Variants in ANXA10 observed in about 807,000 individuals in gnomAD.
The protein encoded by ANXA10 is annexin A10, also known as annexin 14.
ANXA10 carries 49 observed loss-of-function variants against 53.5 expected under a neutral mutation model. The ratio of observed to expected loss-of-function variants is 0.92; its 90% CI spans 0.73 to 1.16. The LOEUF is 1.16. ANXA10 is among the 50% of genes most tolerant of loss of function. The pLI is 0.00. For missense variants in ANXA10, 393 were observed against 394.4 expected (o/e 1.00, Z 0.03); for synonymous variants, 131 against 128.9 (o/e 1.02, Z -0.11).
chr4:168,176,941 AG>A (rs1202550972), intron 6 of ANXA10, among the ~76,000 whole-genome samples: 1 of 152,150 alleles, frequency 6.6e-6, no homozygotes, highest in Non-Finnish European at 1.5e-5. Context: ...TCAAGGTTAC[AG>A]TGAACTATGA....
chr4:168,142,312 T>C (rs987966759), intron 3 of ANXA10, among the ~76,000 whole-genome samples: 3 of 152,134 alleles, frequency 2.0e-5, no homozygotes, highest in Non-Finnish European at 2.9e-5. Flanking sequence ...TCCGTCTTCA[T>C]CCCTCTCCCC....
chr4:168,161,991 T>C (rs1253103961), intron 3 of ANXA10, among the ~76,000 whole-genome samples: 2 of 152,208 alleles, frequency 1.3e-5, no homozygotes, highest in African/African-American at 4.8e-5. Flanking sequence ...TATTTCTCTT[T>C]AAGTGTTTGA....
chr4:168,117,888 G>A (rs1347489089), intron 1 of ANXA10, among the ~76,000 whole-genome samples: 2 of 151,328 alleles, frequency 1.3e-5, no homozygotes, highest in Non-Finnish European at 2.9e-5. Flanking sequence ...CCACCACAGG[G>A]TGCACTCATA....
chr4:168,123,608 A>G (rs1321577273), intron 1 of ANXA10, among the ~76,000 whole-genome samples: 2 of 152,196 alleles, frequency 1.3e-5, no homozygotes, highest in Non-Finnish European at 2.9e-5. Context: ...CAAGATTCTC[A>G]TTACAATTGA....
rs1210585036 is a variant in ANXA10, at chr4:168,139,469, A to G, written c.101-17A>G. ...AAGTAGCAACTTTACTAATCTTCAA[A>G]TATTATTCTTTTCCAGACTGTGACA... is the stretch of plus-strand genomic sequence containing the variant. On this transcript the variant is annotated splice_polypyrimidine_tract_variant and intron_variant, in intron 2 of 11. Transcript: ENST00000359299. 1.9e-6 allele frequency: 3 copies of G among 1,606,548 alleles called. No homozygotes were observed. The highest frequency in any genetic ancestry group is 3.3e-5 in the Admixed American group (2 of 59,830).
intron 2 of ANXA10, among the ~76,000 whole-genome samples, chr4:168,133,100 G>A (rs1425279647): frequency 6.6e-6 from 1 of 152,006 alleles, no homozygotes; most frequent in Non-Finnish European, 1.5e-5. Context: ...TCTATGTAGT[G>A]ACACAATTTT....
chr4:168,096,058 G>C (rs1176014735), intron 1 of ANXA10, among the ~76,000 whole-genome samples: 6 of 152,128 alleles, frequency 3.9e-5, no homozygotes, highest in African/African-American at 1.4e-4. Flanking sequence ...GTTTTTAGCA[G>C]TGGATTACAT....
intron 3 of ANXA10, among the ~76,000 whole-genome samples, chr4:168,154,530 A>C (rs1348710534): frequency 6.6e-6 from 1 of 152,204 alleles, no homozygotes; most frequent in African/African-American, 2.4e-5. Context: ...TAGGGATAGA[A>C]GAAGGCCCAT....
rs983086683 is a variant in ANXA10 at position 168,126,796 on chromosome 4, A to G, written c.19-1288A>G. On this transcript the variant is annotated intron_variant, in intron 1 of 11. Transcript: ENST00000359299. ...TTTAGTTGTACTTCTAAGAATAAAAATATAGACATATCACAATCATCATGT... is the reference window on the plus strand; with the variant it reads ...TTTAGTTGTACTTCTAAGAATAAAAGTATAGACATATCACAATCATCATGT... 7.2e-5 allele frequency among the ~76,000 whole-genome samples: 11 copies of G among 152,326 alleles called. No homozygotes were observed. In the South Asian group the frequency reaches 1.0e-3, roughly 14 times the overall value.
chr4:168,111,673 A>C (rs1730808685), intron 1 of ANXA10, among the ~76,000 whole-genome samples: 2 of 152,162 alleles, frequency 1.3e-5, no homozygotes, highest in African/African-American at 2.4e-5. Context: ...AAATAAGATA[A>C]AGAATATGGA....
chr4:168,139,615 A>T (rs1036917866), intron 3 of ANXA10, 35 bp downstream of exon 3: 11 of 1,547,598 alleles, frequency 7.1e-6, no homozygotes, highest in African/African-American at 1.4e-5. Context: ...TTTCTAGGGC[A>T]ATCTCTTGAG....
At chr4:168,128,032 G>C (rs1731100330) in intron 1 of ANXA10, 52 bp from the exon 2 acceptor site, 1 of 1,515,252 alleles carries the variant, frequency 6.6e-7, no homozygotes, top group Non-Finnish European at 9.2e-7. Context: ...CCACAATGTT[G>C]AAACATTAAC....
chr4:168,144,623 T>A lies in ANXA10; in HGVS notation c.195+5043T>A, dbSNP rs567832113. Among the ~76,000 whole-genome samples the A allele has an allele frequency of 2.6e-5, 4 of 152,360 alleles. No individual in the cohort carries two copies. In the South Asian group the frequency reaches 8.3e-4, roughly 32 times the overall value. ...GGTGCAAGAGGGACAAAGCCATTTGTATACAATTTCCGGAAAGCTATTATG... is the reference window on the plus strand; with the variant it reads ...GGTGCAAGAGGGACAAAGCCATTTGAATACAATTTCCGGAAAGCTATTATG... On this transcript the variant is annotated intron_variant, in intron 3 of 11. Coordinates refer to ENST00000359299, the MANE Select transcript of ANXA10 (RefSeq NM_007193.5).
At chr4:168,156,969 C>T (rs1731696625) in intron 3 of ANXA10, among the ~76,000 whole-genome samples, 1 of 152,014 alleles carries the variant, frequency 6.6e-6, no homozygotes, top group Non-Finnish European at 1.5e-5. Flanking sequence ...AAAAATCATT[C>T]CTCTAGGGCA....
chr4:168,183,428 C>T (rs1732300958), intron 10 of ANXA10, among the ~76,000 whole-genome samples: 2 of 152,100 alleles, frequency 1.3e-5, no homozygotes, highest in African/African-American at 4.8e-5. Context: ...CAATTGTTTC[C>T]TTCTCAAAGA....
intron 9 of ANXA10, among the ~76,000 whole-genome samples, chr4:168,181,195 T>A (rs544811711): frequency 7.6e-4 from 115 of 151,946 alleles, no homozygotes; most frequent in African/African-American, 2.7e-3. Context: ...ATCGAGACCA[T>A]CCTGGCTAAC....
Position 168,128,106 on chromosome 4 carries a change from C to A in ANXA10, c.41C>A (p.Ala14Asp). The A allele has an allele frequency of 6.2e-7, 1 of 1,613,390 alleles. No homozygotes were observed. The highest frequency in any genetic ancestry group is 8.5e-7 in the Non-Finnish European group (1 of 1,179,612). The part of the protein sequence containing the change: ...GDYVQGTIFP[A>D]PNFNPIMDAQ... ...CAGGTGCAAGGAACCATCTTCCCAG[C>A]TCCCAATTTCAATCCCATAATGGAT... The change falls in exon 2 of 12, where the codon GCT becomes GAT. Residue 14 changes from alanine to aspartate, a missense_variant. By Grantham distance (126) the Ala-to-Asp change is moderately radical. Coordinates refer to ENST00000359299, the MANE Select transcript of ANXA10 (RefSeq NM_007193.5).
At chr4:168,096,911 C>CATATATATATATATATATATAT (rs35451323) in intron 1 of ANXA10, among the ~76,000 whole-genome samples, 1,237 of 109,282 alleles carry the variant, frequency 0.011, 69 homozygotes, top group African/African-American at 0.042. Flanking sequence ...AATACAAATG[C>CATATATATATATATATATATAT]ATATATATAT....
At chr4:168,168,495 C>G (rs913351798) in intron 6 of ANXA10, among the ~76,000 whole-genome samples, 5 of 152,118 alleles carry the variant, frequency 3.3e-5, no homozygotes, top group African/African-American at 4.8e-5. Context: ...TCTTGGCTCA[C>G]TGCAACCTCT....
Sources: gnomAD v4.1 joint callset for allele counts (sites outside exome capture counted in the v4.1 genomes callset) on GRCh38, gnomAD v4.1.1 for gene constraint, MANE v1.5 for transcripts, NCBI Gene and HGNC (gene_info 2026-07-23, HGNC 2026-07-21) for gene names.